GRM1: variants seen among roughly 807,000 people sequenced by gnomAD.
GRM1 encodes the protein metabotropic glutamate receptor 1.
GRM1 carries 33 observed loss-of-function variants against 90.9 expected under a neutral mutation model. That is an observed-to-expected ratio of 0.36 (90% CI 0.28 to 0.49). GRM1 has a LOEUF of 0.49. Among genes scored for constraint, GRM1 ranks in the 20% least tolerant of loss-of-function variants. The pLI, the probability that GRM1 is intolerant of heterozygous loss-of-function variation, is 0.99. For synonymous variants in GRM1, 700 were observed against 613.2 expected, an observed-to-expected ratio of 1.14 and a Z score of -2.09; for missense variants, 1,190 against 1,534.3, an observed-to-expected ratio of 0.78 and a Z score of 3.75.
At chr6:146,362,487 G>A (rs1016917188) in intron 5 of GRM1, among the ~76,000 whole-genome samples, 3 of 151,864 alleles carry the variant, frequency 2.0e-5, no homozygotes, top group African/African-American at 7.2e-5. Flanking sequence ...AGACAATCCT[G>A]GCTAACATGG....
In GRM1 at chr6:146,150,919, C is replaced by T. The variant is rs150230896; in HGVS notation, c.701-8429C>T. Reference sequence around the variant, plus strand: ...TGGCTGAATAATATTCCTGTATAAACACACACACGCGTGTGCGCGCACACA... The same window carrying T: ...TGGCTGAATAATATTCCTGTATAAATACACACACGCGTGTGCGCGCACACA... On this transcript the variant is annotated intron_variant, in intron 1 of 7. Coordinates refer to ENST00000282753, the MANE Select transcript of GRM1 (RefSeq NM_001278064.2). Among the ~76,000 whole-genome samples the T allele has an allele frequency of 2.7e-5, 3 of 110,710 alleles. No homozygotes were observed. In the East Asian group the frequency reaches 7.4e-4, roughly 27 times the overall value. The allele number at this position is 110,710 out of a possible 152,430, so 72.6% of individuals were successfully genotyped here.
At chr6:146,314,264 T>TG (rs1783882802) in intron 3 of GRM1, among the ~76,000 whole-genome samples, 1 of 150,574 alleles carries the variant, frequency 6.6e-6, no homozygotes, top group Non-Finnish European at 1.5e-5. Flanking sequence ...TTAGTAGAGA[T>TG]GGGGTTTCAC....
At chr6:146,405,733 A>G (rs1777324071) in intron 7 of GRM1, among the ~76,000 whole-genome samples, 1 of 152,146 alleles carries the variant, frequency 6.6e-6, no homozygotes, top group Non-Finnish European at 1.5e-5. Context: ...TTACATGGGC[A>G]CTAATCCCAT....
intron 2 of GRM1, among the ~76,000 whole-genome samples, chr6:146,249,158 A>T (rs957241953): frequency 6.6e-6 from 1 of 152,250 alleles, no homozygotes; most frequent in Non-Finnish European, 1.5e-5. Context: ...CAGCCTGACC[A>T]TGTGGTAGAA....
At chr6:146,386,459 G>C (rs1028052411) in intron 5 of GRM1, among the ~76,000 whole-genome samples, 1 of 152,064 alleles carries the variant, frequency 6.6e-6, no homozygotes, top group East Asian at 1.9e-4. Flanking sequence ...AACAAAAATT[G>C]TATAATTACT....
At chr6:146,067,892 A>G (rs980445385) in intron 1 of GRM1, among the ~76,000 whole-genome samples, 1 of 152,216 alleles carries the variant, frequency 6.6e-6, no homozygotes, top group Non-Finnish European at 1.5e-5. Flanking sequence ...AACTTTTAGA[A>G]TTCTCATAAT....
chr6:146,381,110 T>A (rs531301004), intron 5 of GRM1, among the ~76,000 whole-genome samples: 2 of 152,276 alleles, frequency 1.3e-5, no homozygotes, highest in South Asian at 4.1e-4. Context: ...ATGCCAGCGT[T>A]CCCTTAGCTG....
At chr6:146,414,377 TTTATTATTATTA>T (rs56297907) in intron 7 of GRM1, among the ~76,000 whole-genome samples, 14 of 145,344 alleles carry the variant, frequency 9.6e-5, no homozygotes, top group Non-Finnish European at 2.1e-4. Context: ...CCGTTTGCCT[TTTATTATTATTA>T]TTATTATTAT....
intron 5 of GRM1, among the ~76,000 whole-genome samples, chr6:146,368,666 A>C (rs1288866937): frequency 6.6e-6 from 1 of 151,758 alleles, no homozygotes; most frequent in Non-Finnish European, 1.5e-5. Context: ...TTGATGTGGT[A>C]TTAAACCATC....
At chr6:146,267,689 TCGG>T (rs1562568724) in intron 2 of GRM1, among the ~76,000 whole-genome samples, 6 of 103,850 alleles carry the variant, frequency 5.8e-5, no homozygotes, top group African/African-American at 4.8e-4. Flanking sequence ...TGGGCTCGGC[TCGG>T]CTCGGCTCGG....
rs148131762 is a variant in GRM1 at position 146,316,701 on chromosome 6, T to C, written c.1186+11855T>C. On this transcript the variant is annotated intron_variant, in intron 3 of 7. Coordinates refer to ENST00000282753, the MANE Select transcript of GRM1 (RefSeq NM_001278064.2). ...GGAAGTCTCTTATTTCGCATCATCATCCTCCTTGGCGTCCTCTGACGGAGC... is the reference window on the plus strand; with the variant it reads ...GGAAGTCTCTTATTTCGCATCATCACCCTCCTTGGCGTCCTCTGACGGAGC... Among the ~76,000 whole-genome samples the C allele has an allele frequency of 4.6e-5, 7 of 152,282 alleles. No homozygotes were observed. In the East Asian group the frequency reaches 1.2e-3, roughly 25 times the overall value.
intron 1 of GRM1, among the ~76,000 whole-genome samples, chr6:146,063,715 T>C (rs1054834227): frequency 2.6e-5 from 4 of 152,184 alleles, no homozygotes; most frequent in African/African-American, 9.7e-5. Context: ...AAGCCATTCA[T>C]AGACTGCATG....
intron 3 of GRM1, among the ~76,000 whole-genome samples, chr6:146,328,863 T>G (rs1255903461): frequency 1.3e-5 from 2 of 152,170 alleles, no homozygotes; most frequent in Non-Finnish European, 2.9e-5. Context: ...GATCCTTACC[T>G]AAGGAGAAAA....
chr6:146,110,750 T>A (rs1775526503), intron 1 of GRM1, among the ~76,000 whole-genome samples: 1 of 152,192 alleles, frequency 6.6e-6, no homozygotes, highest in African/African-American at 2.4e-5. Context: ...GGCTGTTTTG[T>A]ATGGTTATTT....
intron 2 of GRM1, among the ~76,000 whole-genome samples, chr6:146,281,468 A>G (rs1782565867): frequency 6.6e-6 from 1 of 152,226 alleles, no homozygotes; most frequent in Non-Finnish European, 1.5e-5. Flanking sequence ...AGACTCCTAA[A>G]GAAATTGTAA....
chr6:146,375,121 T>G (rs1185698940), intron 5 of GRM1, among the ~76,000 whole-genome samples: 1 of 152,108 alleles, frequency 6.6e-6, no homozygotes, highest in Non-Finnish European at 1.5e-5. Flanking sequence ...GTTAATTTCT[T>G]TATTGACCCA....
intron 3 of GRM1, among the ~76,000 whole-genome samples, chr6:146,331,168 G>A (rs1388661805): frequency 6.6e-6 from 1 of 152,124 alleles, no homozygotes; most frequent in Non-Finnish European, 1.5e-5. Flanking sequence ...TGCCCTGGCA[G>A]CATTCAGAGA....
intron 2 of GRM1, among the ~76,000 whole-genome samples, chr6:146,243,140 A>T (rs1754496991): frequency 6.6e-6 from 1 of 152,204 alleles, no homozygotes; most frequent in Admixed American, 6.6e-5. Context: ...ATGAATTTAT[A>T]TTAGTGAAAC....
chr6:146,226,488 A>T (rs1728327224), intron 2 of GRM1, among the ~76,000 whole-genome samples: 1 of 152,150 alleles, frequency 6.6e-6, no homozygotes. Flanking sequence ...TTCAGGAAAG[A>T]TGTAATAGAT....
Sources: allele counts gnomAD v4.1 joint callset (sites outside exome capture counted in the v4.1 genomes callset), GRCh38; gene constraint gnomAD v4.1.1; transcripts MANE v1.5; gene names NCBI Gene and HGNC (gene_info 2026-07-23, HGNC 2026-07-21).